Variants in NPTN observed in about 807,000 individuals in gnomAD.
The protein encoded by NPTN is neuroplastin.
In NPTN, 5 loss-of-function variants were observed where a neutral mutation model predicts 42.7. The observed-to-expected ratio is 0.12, with a 90% CI of 0.06 to 0.25. NPTN has a LOEUF of 0.25. NPTN is among the 10% of genes least tolerant of loss of function. NPTN has a pLI of 1.00. For synonymous variants in NPTN, 180 were observed against 201.9 expected (o/e 0.89, Z 0.92); for missense variants, 307 against 525.4 (o/e 0.58, Z 4.06).
intron 2 of NPTN, among the ~76,000 whole-genome samples, chr15:73,595,314 G>A (rs1361100039): frequency 1.3e-5 from 2 of 152,138 alleles, no homozygotes; most frequent in Non-Finnish European, 2.9e-5. Context: ...AAGGGGGCAG[G>A]AGAAGGAGGC....
chr15:73,562,109 TA>T, intron 7 of NPTN, 139 bp from the exon 8 acceptor site: 1 of 644,824 alleles, frequency 1.6e-6, no homozygotes. Flanking sequence ...TATGAGTGCA[TA>T]AAAAAACATT....
chr15:73,617,676 G>A (rs1203602400), intron 1 of NPTN, among the ~76,000 whole-genome samples: 19 of 152,176 alleles, frequency 1.2e-4, no homozygotes, highest in Admixed American at 1.2e-3. Flanking sequence ...TAGTGTTGCA[G>A]AATGGTAAGG....
At chr15:73,596,888 G>T in intron 2 of NPTN, 134 bp downstream of exon 2, 1 of 730,502 alleles carries the variant, frequency 1.4e-6, no homozygotes, top group Non-Finnish European at 2.2e-6. Context: ...AAGGGTCATG[G>T]GATTGAAAAA....
chr15:73,624,308 C>T (rs1898288624), intron 1 of NPTN, among the ~76,000 whole-genome samples: 1 of 152,116 alleles, frequency 6.6e-6, no homozygotes, highest in African/African-American at 2.4e-5. Context: ...TTTATACTTG[C>T]TTTTTTCCAG....
At chr15:73,578,609 T>C (rs188025816) in intron 4 of NPTN, among the ~76,000 whole-genome samples, 18 of 152,320 alleles carry the variant, frequency 1.2e-4, no homozygotes, top group Admixed American at 1.0e-3. Context: ...TAGTTTGTTT[T>C]GTTAAAAGAC....
chr15:73,615,495 T>G (rs980686093), intron 1 of NPTN, among the ~76,000 whole-genome samples: 3 of 152,146 alleles, frequency 2.0e-5, no homozygotes, highest in Non-Finnish European at 4.4e-5. Context: ...CACTACACTA[T>G]ACTGCCTCAC....
intron 4 of NPTN, among the ~76,000 whole-genome samples, chr15:73,581,267 A>G (rs1279845878): frequency 6.6e-6 from 1 of 152,178 alleles, no homozygotes; most frequent in East Asian, 1.9e-4. Flanking sequence ...GGGACTGCTT[A>G]ACCAGATTTT....
In NPTN at chr15:73,560,161, A is replaced by G. The variant is rs1286689864; in HGVS notation, c.*902T>C. ...CCGTTAGGTTATAAAATCTATCATC[A>G]ACCAGTAAATCAATGTGAAAAAATA... On this transcript the variant is annotated 3_prime_UTR_variant, in exon 9 of 9. Coordinates refer to ENST00000345330, the MANE Select transcript of NPTN (RefSeq NM_012428.4). 9.2e-6 allele frequency: 3 copies of G among 327,176 alleles called. No homozygotes were observed. Among genetic ancestry groups the G allele is most frequent in the East Asian group, 6.5e-5 (1 of 15,440 alleles). The allele number at this position is 327,176 out of a possible 1,614,324, so 20.3% of individuals were successfully genotyped here. A position where few individuals can be genotyped will look rare whatever the true frequency, so the allele number is the denominator to read the frequency against.
chr15:73,611,756 T>C (rs1020654246), intron 1 of NPTN, among the ~76,000 whole-genome samples: 8 of 152,154 alleles, frequency 5.3e-5, no homozygotes, highest in Non-Finnish European at 1.0e-4. Context: ...ACTGTGATCT[T>C]TGAGTGATGA....
chr15:73,611,191 T>C (rs1362533045), intron 1 of NPTN, among the ~76,000 whole-genome samples: 1 of 152,212 alleles, frequency 6.6e-6, no homozygotes, highest in East Asian at 1.9e-4. Context: ...ATATAATTAT[T>C]GTTCATTCAG....
In NPTN at chr15:73,633,271, G is replaced by GT; in HGVS notation, c.-57_-56insA. Reference sequence around the variant, plus strand: ...GGCCGGGGCCAGAGCCGGGGCCGGGGAAGGGAGGGGAGGGAGGGAGGGGGC... The same window carrying GT: ...GGCCGGGGCCAGAGCCGGGGCCGGGGTAAGGGAGGGGAGGGAGGGAGGGGGC... On this transcript the variant is annotated 5_prime_UTR_variant, in exon 1 of 9. Coordinates refer to ENST00000345330, the MANE Select transcript of NPTN (RefSeq NM_012428.4). The GT allele has an allele frequency of 1.5e-6, 1 of 676,960 alleles. No homozygotes were observed. Among genetic ancestry groups the GT allele is most frequent in the Non-Finnish European group, 2.3e-6 (1 of 430,996 alleles). 41.9% of individuals were successfully genotyped at this position (676,960 alleles called of 1,614,324 possible).
chr15:73,566,342 T>C (rs1895003526), intron 6 of NPTN, among the ~76,000 whole-genome samples: 1 of 152,216 alleles, frequency 6.6e-6, no homozygotes, highest in South Asian at 2.1e-4. Context: ...CTTGGATATA[T>C]CAGAGCCACT....
chr15:73,566,755 T>C (rs1034964727), intron 6 of NPTN, among the ~76,000 whole-genome samples: 1 of 152,198 alleles, frequency 6.6e-6, no homozygotes, highest in Non-Finnish European at 1.5e-5. Flanking sequence ...CATTTAACAT[T>C]TTCAGGGAAT....
Position 73,633,304 on chromosome 15 carries a change from T to G in NPTN, c.-89A>C. ...GGGAGGGAGGGAGGGGGCGGGCGAG[T>G]GCGCGAGGGAGTGAGCGAGGGAGGC... On this transcript the variant is annotated 5_prime_UTR_variant, in exon 1 of 9. Transcript: ENST00000345330. The G allele has an allele frequency of 2.1e-6, 2 of 969,610 alleles. No individual in the cohort carries two copies. Among genetic ancestry groups the G allele is most frequent in the South Asian group, 2.0e-5 (1 of 49,118 alleles). 60.1% of individuals were successfully genotyped at this position (969,610 alleles called of 1,614,324 possible).
intron 1 of NPTN, among the ~76,000 whole-genome samples, chr15:73,622,070 G>A (rs757524234): frequency 2.6e-4 from 39 of 152,066 alleles, no homozygotes; most frequent in Admixed American, 2.4e-3. Flanking sequence ...AGAATCACTC[G>A]AACCCGGGAG....
At chr15:73,599,044 G>A (rs1896955644) in intron 1 of NPTN, among the ~76,000 whole-genome samples, 1 of 152,168 alleles carries the variant, frequency 6.6e-6, no homozygotes, top group Non-Finnish European at 1.5e-5. Context: ...AACAGGCTTA[G>A]ACTAAACGTT....
At chr15:73,628,872 T>C (rs975797244) in intron 1 of NPTN, among the ~76,000 whole-genome samples, 4 of 152,324 alleles carry the variant, frequency 2.6e-5, no homozygotes, top group African/African-American at 9.6e-5. Context: ...ACATCAAATC[T>C]GTATTAATGA....
chr15:73,588,564 A>G, intron 3 of NPTN, among the ~76,000 whole-genome samples: 1 of 152,230 alleles, frequency 6.6e-6, no homozygotes, highest in South Asian at 2.1e-4. Context: ...CACTGTCCAG[A>G]TCTTCTGGTC....
chr15:73,562,216 A>G (rs1055120799), intron 7 of NPTN, among the ~76,000 whole-genome samples: 2 of 152,216 alleles, frequency 1.3e-5, no homozygotes, highest in African/African-American at 4.8e-5. Flanking sequence ...GAATATCTGC[A>G]TTATACTTAC....
Sources: allele counts gnomAD v4.1 joint callset (sites outside exome capture counted in the v4.1 genomes callset), GRCh38; gene constraint gnomAD v4.1.1; transcripts MANE v1.5; gene names NCBI Gene and HGNC (gene_info 2026-07-23, HGNC 2026-07-21).